The following ZSCAN5A variants were observed in gnomAD, a reference collection of about 807,000 sequenced individuals.
ZSCAN5A encodes zinc finger and SCAN domain containing 5A.
In ZSCAN5A, 12 loss-of-function variants were observed where a neutral mutation model predicts 23.7. The ratio of observed to expected loss-of-function variants is 0.51; its 90% CI spans 0.32 to 0.82. The LOEUF (loss-of-function observed/expected upper bound fraction) is 0.82. ZSCAN5A is among the 40% of genes least tolerant of loss of function. The probability of loss-of-function intolerance (pLI) is 0.03; values close to 1 mark genes in which losing one functional copy is unlikely to be tolerated. For missense variants in ZSCAN5A, 597 were observed against 617.9 expected (o/e 0.97, Z 0.36); for synonymous variants, 257 against 239.9 (o/e 1.07, Z -0.66).
At chr19:56,292,516 G>A (rs953322411) in intron 2 of ZSCAN5A, among the ~76,000 whole-genome samples, 3 of 150,746 alleles carry the variant, frequency 2.0e-5, no homozygotes, top group African/African-American at 7.3e-5. Flanking sequence ...TTCAATTCCG[G>A]GGCTCAAGCA....
chr19:56,272,354 A>C (rs944877096), intron 2 of ZSCAN5A, among the ~76,000 whole-genome samples: 7 of 152,216 alleles, frequency 4.6e-5, no homozygotes, highest in African/African-American at 1.7e-4. Flanking sequence ...ACAACTACAA[A>C]GCTCAGTCTT....
chr19:56,303,402 T>A (rs899615481), intron 2 of ZSCAN5A, among the ~76,000 whole-genome samples: 1 of 150,702 alleles, frequency 6.6e-6, no homozygotes, highest in African/African-American at 2.4e-5. Context: ...CACTTGAACC[T>A]GGGAAGCAGA....
chr19:56,319,702 T>G, upstream of ZSCAN5A: 2 of 609,712 alleles, frequency 3.3e-6, no homozygotes, highest in Non-Finnish European at 5.9e-6. Context: ...GGAACTTCAT[T>G]CATAGCAAAA....
At chr19:56,344,909 C>CAAAAAAAAAAAAAAAAAAAAAAAAAA (rs1019131536) in intron 2 of ZSCAN5A, among the ~76,000 whole-genome samples, 1 of 19,048 alleles carries the variant, frequency 5.2e-5, no homozygotes. Context: ...GACTCCGTCT[C>CAAAAAAAAAAAAAAAAAAAAAAAAAA]AAAAAAAAAA....
At chr19:56,342,105 C>T (rs1272357657) in intron 2 of ZSCAN5A, among the ~76,000 whole-genome samples, 2 of 152,136 alleles carry the variant, frequency 1.3e-5, no homozygotes, top group East Asian at 3.9e-4. Context: ...TCTTTATAGA[C>T]AACTTAATCA....
At chr19:56,264,888 G>A (rs974769493) in intron 2 of ZSCAN5A, among the ~76,000 whole-genome samples, 1 of 152,186 alleles carries the variant, frequency 6.6e-6, no homozygotes, top group Non-Finnish European at 1.5e-5. Flanking sequence ...TTGGGAGGCC[G>A]AGGCAGGTGG....
intron 2 of ZSCAN5A, among the ~76,000 whole-genome samples, chr19:56,269,347 C>A (rs536208623): frequency 6.6e-6 from 1 of 152,200 alleles, no homozygotes; most frequent in East Asian, 1.9e-4. Flanking sequence ...ATAATTGTTG[C>A]TATCATTAAT....
At chr19:56,279,794 A>G (rs916743628) in intron 2 of ZSCAN5A, among the ~76,000 whole-genome samples, 1 of 151,722 alleles carries the variant, frequency 6.6e-6, no homozygotes, top group Non-Finnish European at 1.5e-5. Flanking sequence ...CAAACATCTC[A>G]TGATCCACAC....
rs140787974 is a variant in ZSCAN5A at position 56,224,894 on chromosome 19, G to T, written c.153C>A (p.Ser51Arg). Residue 51 changes from serine to arginine, a missense_variant, in exon 3 of 6, where the codon AGC becomes AGA. This residue lies in a region of ZSCAN5A where 72 missense variants were observed against 76.8 expected (regional missense o/e 0.94). Transcript: ENST00000683990. Reference protein sequence around the residue: ...EISHVNFRMFSCPKESDPIQA... With the variant: ...EISHVNFRMFRCPKESDPIQA... The stretch of plus-strand genomic sequence containing the variant: ...GGATGGGGTCCGACTCCTTCGGGCA[G>T]CTGAACATCCTGAAGTTCACGTGAG... The T allele has an allele frequency of 6.2e-7, 1 of 1,614,176 alleles. No individual in the cohort carries two copies. Among genetic ancestry groups the T allele is most frequent in the South Asian group, 1.1e-5 (1 of 91,070 alleles).
intron 2 of ZSCAN5A, among the ~76,000 whole-genome samples, chr19:56,322,731 C>T (rs982725752): frequency 1.3e-5 from 2 of 152,082 alleles, no homozygotes; most frequent in African/African-American, 4.8e-5. Context: ...TGCTCAAGTC[C>T]ACTGCATAAA....
rs971702208 is a variant in ZSCAN5A, at chr19:56,353,564, T to C, written c.-358+9671A>G. On this transcript the variant is annotated intron_variant, in intron 2 of 6. Transcript: ENST00000587340. ...GCGGGCGAATCAGGAGGTCAGGAGG[T>C]CAGGAGATCGAGACCATCCTGGCTA... 2.6e-5 allele frequency among the ~76,000 whole-genome samples: 4 copies of C among 151,758 alleles called. No individual in the cohort carries two copies. In the South Asian group the frequency reaches 8.3e-4, roughly 32 times the overall value.
chr19:56,284,933 T>C (rs1385238527), intron 2 of ZSCAN5A: 4 of 834,650 alleles, frequency 4.8e-6, no homozygotes, highest in African/African-American at 1.8e-5. Context: ...CTGGGAGAAA[T>C]CCATTAATTA....
At position 56,254,901 on chromosome 19, in the gene ZSCAN5A, T is replaced by C. The variant is rs138447065; in HGVS notation, c.-127-29728A>G. On this transcript the variant is annotated intron_variant, in intron 2 of 5. Transcript: ENST00000683990. ...AAATCATGTTGTTAGTGTTTTGTTG[T>C]TGAGTTAGCGTTCTTTATATACTCT... 5.3e-3 allele frequency among the ~76,000 whole-genome samples: 810 copies of C among 152,260 alleles called. 9 individuals carry two copies. The highest frequency in any genetic ancestry group is 0.019 in the African/African-American group (776 of 41,554).
chr19:56,344,675 G>A (rs1458558676), intron 2 of ZSCAN5A, among the ~76,000 whole-genome samples: 1 of 150,712 alleles, frequency 6.6e-6, no homozygotes, highest in Non-Finnish European at 1.5e-5. Context: ...AGGCCGAGGC[G>A]GGTGGATCAT....
intron 2 of ZSCAN5A, among the ~76,000 whole-genome samples, chr19:56,350,705 C>T (rs1298553677): frequency 6.6e-6 from 1 of 152,162 alleles, no homozygotes; most frequent in African/African-American, 2.4e-5. Context: ...TCAAACTCTA[C>T]TGTCAGTTAT....
At chr19:56,313,065 A>G (rs893937167) in intron 2 of ZSCAN5A, among the ~76,000 whole-genome samples, 5 of 152,230 alleles carry the variant, frequency 3.3e-5, no homozygotes, top group African/African-American at 1.2e-4. Flanking sequence ...CTGTGTTTGC[A>G]TAACAGCTCA....
chr19:56,257,047 C>T (rs1490838850), intron 2 of ZSCAN5A, among the ~76,000 whole-genome samples: 8 of 152,108 alleles, frequency 5.3e-5, no homozygotes, highest in Non-Finnish European at 1.2e-4. Context: ...GGAATACCTG[C>T]GTAAGGGCTC....
At position 56,222,252 on chromosome 19, in the gene ZSCAN5A, G is replaced by A. The variant is rs369979986; in HGVS notation, c.814C>T (p.Pro272Ser). Residue 272 changes from proline to serine, a missense_variant, in exon 6 of 6, where the codon CCT (proline) becomes TCT (serine). Coordinates refer to ENST00000683990, the MANE Select transcript of ZSCAN5A (RefSeq NM_001322064.3). ...ASVENVDADT[P>S]SACVVEREAS... The stretch of plus-strand genomic sequence containing the variant: ...TCTCTCTCCACAACGCAGGCAGAAG[G>A]TGTGTCAGCATCCACATTTTCCACA... 14 of 1,613,826 alleles carry A rather than the reference G, an allele frequency of 8.7e-6. No homozygotes were observed. Among genetic ancestry groups the A allele is most frequent in the Non-Finnish European group, 1.2e-5 (14 of 1,179,872 alleles).
At chr19:56,274,006 TAGA>T (rs1290137399) in intron 2 of ZSCAN5A, among the ~76,000 whole-genome samples, 2 of 151,932 alleles carry the variant, frequency 1.3e-5, no homozygotes, top group Non-Finnish European at 2.9e-5. Context: ...TGGGGATAAG[TAGA>T]AGGTTACGAG....
Sources: allele counts gnomAD v4.1 joint callset (sites outside exome capture counted in the v4.1 genomes callset), GRCh38; gene constraint gnomAD v4.1.1; regional missense constraint gnomAD v4.1.1; transcripts MANE v1.5; gene names NCBI Gene and HGNC (gene_info 2026-07-23, HGNC 2026-07-21).